Variants in DOCK4 observed in about 807,000 individuals in gnomAD.
The protein encoded by DOCK4 is dedicator of cytokinesis 4.
Under a neutral mutation model 268.1 loss-of-function variants are expected in DOCK4, and 97 were observed. The observed-to-expected ratio is 0.36, with a 90% CI of 0.31 to 0.43. DOCK4 has a LOEUF of 0.43. DOCK4 is among the 20% of genes least tolerant of loss of function. The probability of loss-of-function intolerance (pLI) is 1.00; values close to 1 mark genes in which losing one functional copy is unlikely to be tolerated. For synonymous variants in DOCK4, 954 were observed against 887.2 expected, an observed-to-expected ratio of 1.08 and a Z score of -1.34; for missense variants, 2,145 against 2,455.7, an observed-to-expected ratio of 0.87 and a Z score of 2.67.
intron 1 of DOCK4, among the ~76,000 whole-genome samples, chr7:112,035,484 A>G (rs1803674784): frequency 6.6e-6 from 1 of 152,234 alleles, no homozygotes; most frequent in Admixed American, 6.5e-5. Flanking sequence ...ATAGAACAAA[A>G]GACCAAAAGG....
rs199869959 is a variant in DOCK4 at position 111,940,121 on chromosome 7, C to A, written c.966G>T (p.Leu322=). Residue 322 remains leucine (L), a synonymous_variant, in exon 11 of 53, where the codon CTG becomes CTT. Coordinates refer to ENST00000428084, the MANE Select transcript of DOCK4 (RefSeq NM_001363540.2). ...LTGETKDDLI[L]KVYMCNTESE... is the part of the protein sequence containing the mutation. Reference sequence around the variant, plus strand: ...TGCATGTTTCTTACATGTATACTTTCAGAATGAGGTCATCCTTTGTCTCTC... The same window carrying A: ...TGCATGTTTCTTACATGTATACTTTAAGAATGAGGTCATCCTTTGTCTCTC... 8.7e-6 allele frequency: 14 copies of A among 1,613,930 alleles called. No homozygotes were observed. The African/African-American group carries it at 1.5e-4, about 17-fold the overall frequency.
chr7:111,901,028 G>C (rs1791097389), intron 14 of DOCK4, among the ~76,000 whole-genome samples: 1 of 152,162 alleles, frequency 6.6e-6, no homozygotes. Context: ...TGGTCAGAAA[G>C]AAAATATATA....
chr7:111,946,722 C>T lies in DOCK4; in HGVS notation c.702-924G>A, dbSNP rs7785555. Among the ~76,000 whole-genome samples, 920 of 152,266 alleles carry T rather than the reference C, an allele frequency of 6.0e-3. 5 individuals carry two copies. Among genetic ancestry groups the T allele is most frequent in the Non-Finnish European group, 9.7e-3 (662 of 68,030 alleles). ...TCAGTCTCCTCAGTAGCTGGGATTA[C>T]AGGTGCACACCACCACGCCTGGCTA... On this transcript the variant is annotated intron_variant, in intron 8 of 52. Transcript: ENST00000428084.
chr7:111,975,059 G>A (rs1798061968), intron 8 of DOCK4, among the ~76,000 whole-genome samples: 1 of 152,194 alleles, frequency 6.6e-6, no homozygotes, highest in Admixed American at 6.5e-5. Context: ...TTGAGGCCAG[G>A]AGTTCAAGAC....
At chr7:112,082,338 G>T (rs1335732489) in intron 1 of DOCK4, among the ~76,000 whole-genome samples, 1 of 152,098 alleles carries the variant, frequency 6.6e-6, no homozygotes, top group Non-Finnish European at 1.5e-5. Context: ...CCATTTGTGG[G>T]TCTGAACAAT....
At chr7:112,191,136 G>A (rs1268841366) in intron 1 of DOCK4, among the ~76,000 whole-genome samples, 2 of 152,220 alleles carry the variant, frequency 1.3e-5, no homozygotes, top group Non-Finnish European at 2.9e-5. Context: ...CTAGAGTGCA[G>A]TAGCTAGTCA....
At chr7:111,923,012 G>C (rs972629053) in intron 12 of DOCK4, among the ~76,000 whole-genome samples, 1 of 152,042 alleles carries the variant, frequency 6.6e-6, no homozygotes, top group African/African-American at 2.4e-5. Flanking sequence ...CCTTTGTTCT[G>C]TGGGGCTCTG....
intron 1 of DOCK4, among the ~76,000 whole-genome samples, chr7:112,158,375 A>G (rs1816804547): frequency 6.6e-6 from 1 of 152,228 alleles, no homozygotes; most frequent in Non-Finnish European, 1.5e-5. Flanking sequence ...AAGTAGGAAT[A>G]TAGACACAAC....
intron 1 of DOCK4, among the ~76,000 whole-genome samples, chr7:112,012,027 A>AC (rs1431931585): frequency 6.6e-6 from 1 of 151,664 alleles, no homozygotes; most frequent in Admixed American, 6.6e-5. Context: ...CCACGATGAC[A>AC]CCCCCTGCCT....
chr7:111,866,775 A>G (rs1806007896), intron 22 of DOCK4, among the ~76,000 whole-genome samples: 1 of 152,246 alleles, frequency 6.6e-6, no homozygotes, highest in African/African-American at 2.4e-5. Context: ...GGCAAGTTTC[A>G]TCTCTGTAAC....
chr7:112,056,461 A>G (rs1221522751), intron 1 of DOCK4, among the ~76,000 whole-genome samples: 1 of 152,166 alleles, frequency 6.6e-6, no homozygotes, highest in Non-Finnish European at 1.5e-5. Flanking sequence ...AAGCTCTCCT[A>G]ATGTTTATTA....
chr7:111,901,409 C>G (rs114281497), intron 14 of DOCK4, among the ~76,000 whole-genome samples: 68 of 148,174 alleles, frequency 4.6e-4, no homozygotes, highest in African/African-American at 1.6e-3. Flanking sequence ...ATGAATTAAG[C>G]AAACTGTAAA....
intron 26 of DOCK4, among the ~76,000 whole-genome samples, chr7:111,828,258 G>A (rs112980728): frequency 2.0e-5 from 3 of 152,122 alleles, no homozygotes; most frequent in Non-Finnish European, 2.9e-5. Flanking sequence ...ACATACTTGT[G>A]TTCTGATACT....
At chr7:111,866,676 T>C (rs1554618742) in intron 22 of DOCK4, among the ~76,000 whole-genome samples, 1 of 147,100 alleles carries the variant, frequency 6.8e-6, no homozygotes, top group African/African-American at 2.5e-5. Context: ...ACAACTAAGG[T>C]AAAAAAAAAA....
At chr7:111,784,194 A>G in intron 32 of DOCK4, 71 bp from the exon 33 acceptor site, 1 of 1,453,178 alleles carries the variant, frequency 6.9e-7, no homozygotes, top group Non-Finnish European at 9.3e-7. Flanking sequence ...AAACACATGC[A>G]TATAATCATA....
intron 41 of DOCK4, 103 bp from the exon 42 acceptor site, chr7:111,755,704 T>A: frequency 9.8e-7 from 1 of 1,015,470 alleles, no homozygotes; most frequent in Admixed American, 2.0e-5. Context: ...TGCTTATTCC[T>A]GTCAGCCTTT....
intron 1 of DOCK4, among the ~76,000 whole-genome samples, chr7:112,081,011 C>A (rs535906499): frequency 6.6e-6 from 1 of 152,074 alleles, no homozygotes; most frequent in Non-Finnish European, 1.5e-5. Context: ...GAACAACTGT[C>A]GAGGTACATT....
At chr7:111,823,300 G>A (rs960001509) in intron 26 of DOCK4, among the ~76,000 whole-genome samples, 3 of 146,138 alleles carry the variant, frequency 2.1e-5, no homozygotes, top group South Asian at 2.1e-4. Flanking sequence ...TCCACCTCCC[G>A]GGTTCAAGCC....
At chr7:111,928,009 AC>A (rs1163218670) in intron 12 of DOCK4, among the ~76,000 whole-genome samples, 4 of 152,034 alleles carry the variant, frequency 2.6e-5, no homozygotes, top group South Asian at 2.1e-4. Context: ...TACCTTTTTC[AC>A]CCCCTAGTAT....
Sources: gnomAD v4.1 joint callset for allele counts (sites outside exome capture counted in the v4.1 genomes callset) on GRCh38, gnomAD v4.1.1 for gene constraint, MANE v1.5 for transcripts, NCBI Gene and HGNC (gene_info 2026-07-23, HGNC 2026-07-21) for gene names.